Variants in NAV3 observed in about 807,000 individuals in gnomAD.
NAV3 encodes pore membrane and/or filament interacting like protein 1.
NAV3 carries 87 observed loss-of-function variants against 244.7 expected under a neutral mutation model. That is an observed-to-expected ratio of 0.36 (90% CI 0.30 to 0.42). NAV3 has a LOEUF of 0.42. Ranked by LOEUF, NAV3 falls within the 20% of genes least tolerant of loss-of-function variation. The pLI is 1.00. For synonymous variants in NAV3, 1,126 were observed against 1,042.2 expected (o/e 1.08, Z -1.55); for missense variants, 2,663 against 2,893.3 (o/e 0.92, Z 1.83).
Position 78,188,307 on chromosome 12 carries a change from G to A in NAV3, c.5850G>A (p.Trp1950Ter), listed in dbSNP as rs1039240925. 6.2e-7 allele frequency: 1 copy of A among 1,611,402 alleles called. No individual in the cohort carries two copies. The highest frequency in any genetic ancestry group is 8.5e-7 in the Non-Finnish European group (1 of 1,178,234). Reference protein sequence around the residue: ...GSIGVSGKTKWDVLDGVIRRL... With the variant: ...GSIGVSGKTK ...TTGGTGTTAGTGGAAAAACCAAGTG[G>A]GATGTCTTAGATGGTGTAATAAGAC... The change falls in exon 32 of 40, where the codon TGG becomes TGA. Residue 1950 changes from tryptophan (W) to a stop codon, truncating the protein, a stop_gained. Coordinates refer to ENST00000397909, the MANE Select transcript of NAV3 (RefSeq NM_001024383.2). LOFTEE classifies it high-confidence loss of function.
intron 3 of NAV3, among the ~76,000 whole-genome samples, chr12:77,956,136 T>C (rs1891336599): frequency 6.6e-6 from 1 of 152,216 alleles, no homozygotes; most frequent in Admixed American, 6.5e-5. Context: ...AATTTATGTC[T>C]AGTTAAAATC....
rs577249715 is a variant in NAV3 at position 77,677,520 on chromosome 12, C to T, written c.72+105254C>T. Among the ~76,000 whole-genome samples the T allele has an allele frequency of 7.9e-5, 12 of 152,278 alleles. No homozygotes were observed. In the South Asian group the frequency reaches 2.5e-3, roughly 32 times the overall value. ...CAGCCCAGCAAATTATGTATCTTGT[C>T]CTCAACAGAATAATTTGACTTCCAA... On this transcript the variant is annotated intron_variant, in intron 2 of 8. Coordinates refer to the NAV3 transcript ENST00000550042.
At chr12:77,809,576 T>G (rs1199694941) in intron 2 of NAV3, among the ~76,000 whole-genome samples, 1 of 152,222 alleles carries the variant, frequency 6.6e-6, no homozygotes, top group African/African-American at 2.4e-5. Context: ...CCTTCTGCAT[T>G]GATCTCGCTA....
chr12:78,205,102 G>C lies in NAV3; in HGVS notation c.7002G>C (p.Lys2334Asn). 6.2e-7 allele frequency: 1 copy of C among 1,613,376 alleles called. No homozygotes were observed. The highest frequency in any genetic ancestry group is 8.5e-7 in the Non-Finnish European group (1 of 1,179,680). Residue 2334 changes from lysine (K) to asparagine (N), a missense_variant, in exon 39 of 40, where the codon AAG becomes AAC. Coordinates refer to ENST00000397909, the MANE Select transcript of NAV3 (RefSeq NM_001024383.2). ...CCACTAAGGAAGCCACAACCTCAAA[G>C]CACATTCCGCAAACTGACACAGAAG... Reference protein sequence around the residue: ...CTSTKEATTSKHIPQTDTEGD... With the variant: ...CTSTKEATTSNHIPQTDTEGD...
intron 39 of NAV3, among the ~76,000 whole-genome samples, chr12:78,209,540 T>C (rs1960681924): frequency 1.3e-5 from 2 of 151,800 alleles, no homozygotes; most frequent in Admixed American, 1.3e-4. Flanking sequence ...TTAAACACTT[T>C]TTTTCCGAAA....
At chr12:78,047,606 G>T (rs113303506) in intron 9 of NAV3, among the ~76,000 whole-genome samples, 8,650 of 152,204 alleles carry the variant, frequency 0.057, 715 homozygotes, top group African/African-American at 0.18. Context: ...TCCCTTTGTG[G>T]GTAATCAGCC....
chr12:77,913,935 T>C (rs1273713574), intron 1 of NAV3, among the ~76,000 whole-genome samples: 1 of 151,836 alleles, frequency 6.6e-6, no homozygotes, highest in Non-Finnish European at 1.5e-5. Flanking sequence ...AGCGCTGTGA[T>C]GAGTGTAAAA....
chr12:77,677,777 C>T (rs1332966245), intron 2 of NAV3, among the ~76,000 whole-genome samples: 2 of 152,290 alleles, frequency 1.3e-5, no homozygotes, highest in African/African-American at 2.4e-5. Context: ...TGGAACCAAA[C>T]TATTTTTTTA....
At chr12:77,945,292 T>G (rs1184047631) in intron 3 of NAV3, among the ~76,000 whole-genome samples, 1 of 152,066 alleles carries the variant, frequency 6.6e-6, no homozygotes, top group Non-Finnish European at 1.5e-5. Context: ...GAGGAAATTT[T>G]GGTCTGTGTG....
intron 2 of NAV3, among the ~76,000 whole-genome samples, chr12:77,764,562 T>C (rs574272395): frequency 6.6e-6 from 1 of 152,372 alleles, no homozygotes; most frequent in East Asian, 1.9e-4. Context: ...TTTAAATTGA[T>C]ATATCATTTA....
At chr12:78,085,980 A>T (rs1391170997) in intron 12 of NAV3, among the ~76,000 whole-genome samples, 1 of 152,130 alleles carries the variant, frequency 6.6e-6, no homozygotes, top group East Asian at 1.9e-4. Context: ...TTAAAAGTAC[A>T]AGCTCAGGAA....
chr12:78,141,782 A>G (rs776127165), intron 20 of NAV3, among the ~76,000 whole-genome samples: 38 of 152,224 alleles, frequency 2.5e-4, no homozygotes, highest in Non-Finnish European at 4.6e-4. Context: ...AACACATAAA[A>G]GAAATATATT....
At chr12:77,838,516 TTG>T (rs1411424341) in intron 1 of NAV3, among the ~76,000 whole-genome samples, 1 of 152,220 alleles carries the variant, frequency 6.6e-6, no homozygotes, top group Non-Finnish European at 1.5e-5. Context: ...TTTCAGTATT[TTG>T]TGTGTTTTTG....
intron 2 of NAV3, among the ~76,000 whole-genome samples, chr12:77,808,148 A>G (rs1872082208): frequency 6.6e-6 from 1 of 151,970 alleles, no homozygotes; most frequent in Non-Finnish European, 1.5e-5. Flanking sequence ...GGAGTTTGTT[A>G]TTACCCACCT....
chr12:78,056,586 G>A lies in NAV3; in HGVS notation c.2517-2410G>A, dbSNP rs1883538600. Among the ~76,000 whole-genome samples, 3 of 152,156 alleles carry A rather than the reference G, an allele frequency of 2.0e-5. No homozygotes were observed. The South Asian group carries it at 6.2e-4, about 32-fold the overall frequency. On this transcript the variant is annotated intron_variant, in intron 11 of 39. Transcript: ENST00000397909. ...TCTACTAAAAATACAAAAATTAGCT[G>A]GGCATGGTGGTGCACACCAGTAATC...
At chr12:77,972,321 T>G (rs1893066245) in intron 5 of NAV3, among the ~76,000 whole-genome samples, 1 of 152,180 alleles carries the variant, frequency 6.6e-6, no homozygotes, top group African/African-American at 2.4e-5. Context: ...GGATTCAGAT[T>G]TTAAGTTTCT....
intron 2 of NAV3, among the ~76,000 whole-genome samples, chr12:77,606,719 C>A (rs1835640464): frequency 6.6e-6 from 1 of 152,144 alleles, no homozygotes; most frequent in Admixed American, 6.6e-5. Flanking sequence ...AGACTCCCAT[C>A]ATATTTTCTA....
chr12:77,595,077 A>G (rs919410453), intron 2 of NAV3, among the ~76,000 whole-genome samples: 1 of 152,240 alleles, frequency 6.6e-6, no homozygotes, highest in Non-Finnish European at 1.5e-5. Flanking sequence ...GGAAAATGAA[A>G]TCAGTACCTC....
chr12:78,177,373 C>T lies in NAV3; in HGVS notation c.5297+60C>T, dbSNP rs554747216. 71 of 1,544,736 alleles carry T rather than the reference C, an allele frequency of 4.6e-5. No individual in the cohort carries two copies. The South Asian group carries it at 8.5e-4, about 19-fold the overall frequency. ...TTTTAAAAACAATTTTAGATGAAGG[C>T]CTTATTTATGTTCTAACCATATCTG... is the stretch of plus-strand genomic sequence containing the variant. On this transcript the variant is annotated intron_variant, in intron 27 of 39. Coordinates refer to ENST00000397909, the MANE Select transcript of NAV3 (RefSeq NM_001024383.2).
Sources: allele counts gnomAD v4.1 joint callset (sites outside exome capture counted in the v4.1 genomes callset), GRCh38; gene constraint gnomAD v4.1.1; transcripts MANE v1.5; gene names NCBI Gene and HGNC (gene_info 2026-07-23, HGNC 2026-07-21).